The following PITPNM3 variants were observed in gnomAD, a reference collection of about 807,000 sequenced individuals.
The protein encoded by PITPNM3 is PITPNM family member 3, also known as membrane-associated phosphatidylinositol transfer protein 3.
Under a neutral mutation model 102.0 loss-of-function variants are expected in PITPNM3, and 26 were observed. The observed-to-expected ratio is 0.25, with a 90% confidence interval of 0.19 to 0.35. PITPNM3 has a LOEUF of 0.35. Ranked by LOEUF, PITPNM3 falls within the 10% of genes least tolerant of loss-of-function variation. The pLI, the probability that PITPNM3 is intolerant of heterozygous loss-of-function variation, is 1.00. For synonymous variants in PITPNM3, 578 were observed against 558.6 expected (o/e 1.03, Z -0.49); for missense variants, 1,083 against 1,346.1 (o/e 0.80, Z 3.06).
chr17:6,478,504 C>T lies in PITPNM3; in HGVS notation c.777+43G>A, dbSNP rs766134919. 7.5e-6 allele frequency: 12 copies of T among 1,606,828 alleles called. No individual in the cohort carries two copies. Among genetic ancestry groups the T allele is most frequent in the East Asian group, 6.7e-5 (3 of 44,862 alleles). On this transcript the variant is annotated intron_variant, in intron 7 of 19. Transcript: ENST00000262483. The surrounding 1 kb of genome is among the most constrained non-coding windows in gnomAD (Gnocchi z 4.4). ...TCCAGCCTCTCTCCCAGGCCGGGGCCGGAACAGGGGAGGGGAGAGGAGGAG... is the reference window on the plus strand; with the variant it reads ...TCCAGCCTCTCTCCCAGGCCGGGGCTGGAACAGGGGAGGGGAGAGGAGGAG...
At chr17:6,482,378 C>T (rs1397587637) in intron 6 of PITPNM3, among the ~76,000 whole-genome samples, 5 of 152,166 alleles carry the variant, frequency 3.3e-5, no homozygotes, top group African/African-American at 1.2e-4. Context: ...GAGAGCTGAA[C>T]GCGTGGAGGT....
Position 6,452,965 on chromosome 17 carries a change from T to G in PITPNM3, c.*2373A>C, listed in dbSNP as rs901335325. The G allele has an allele frequency of 6.7e-6, 1 of 149,750 alleles. No individual in the cohort carries two copies. Among genetic ancestry groups the G allele is most frequent in the Admixed American group, 6.7e-5 (1 of 14,980 alleles). The allele number at this position is 149,750 out of a possible 1,614,324, so 9.3% of individuals were successfully genotyped here. ...TGAGCTCTCTCTCTCTCTTCCTCTC[T>G]CTCTCTCTCTTCCTCTCTCTCTCTC... On this transcript the variant is annotated 3_prime_UTR_variant, in exon 20 of 20. Transcript: ENST00000262483.
rs1306951849 is a variant in PITPNM3, at chr17:6,454,620, G to A, written c.*718C>T. ...AGAGCCCAAGGCTGCAGCCTCCCAA[G>A]GGAGGGCATGAGGCAGGGCTCCGGG... is the stretch of plus-strand genomic sequence containing the variant. On this transcript the variant is annotated 3_prime_UTR_variant, in exon 20 of 20. Transcript: ENST00000262483. 2.0e-5 allele frequency: 3 copies of A among 152,388 alleles called. No individual in the cohort carries two copies. Among genetic ancestry groups the A allele is most frequent in the African/African-American group, 7.2e-5 (3 of 41,472 alleles). 9.4% of individuals were successfully genotyped at this position (152,388 alleles called of 1,614,324 possible).
Position 6,458,452 on chromosome 17 carries a change from A to T in PITPNM3, c.2491-730T>A, listed in dbSNP as rs539946102. Among the ~76,000 whole-genome samples, 4 of 152,118 alleles carry T rather than the reference A, an allele frequency of 2.6e-5. No homozygotes were observed. The highest frequency in any genetic ancestry group is 9.7e-5 in the African/African-American group (4 of 41,418). On this transcript the variant is annotated intron_variant, in intron 18 of 19. Coordinates refer to ENST00000262483, the MANE Select transcript of PITPNM3 (RefSeq NM_031220.4). The surrounding 1 kb of genome is among the most constrained non-coding windows in gnomAD (Gnocchi z 5.1). ...CCTGCCAAGCCCCACCATCACTGGG[A>T]TGACCCACGGTCTGCATGACGTGAA... is the stretch of plus-strand genomic sequence containing the variant.
chr17:6,516,050 G>A (rs1908154780), intron 3 of PITPNM3, among the ~76,000 whole-genome samples: 1 of 152,096 alleles, frequency 6.6e-6, no homozygotes, highest in Non-Finnish European at 1.5e-5. Context: ...GTGCAGGCCT[G>A]TGGTCCCAAC....
At chr17:6,473,109 C>T (rs1469441347) in intron 10 of PITPNM3, 1 of 482,616 alleles carries the variant, frequency 2.1e-6, no homozygotes, top group Non-Finnish European at 3.8e-6. Context: ...CATCCCTTCT[C>T]CTTGTGGGCC....
intron 3 of PITPNM3, among the ~76,000 whole-genome samples, chr17:6,508,404 C>T (rs569455879): frequency 6.6e-6 from 1 of 152,224 alleles, no homozygotes; most frequent in Non-Finnish European, 1.5e-5. Context: ...ACTTCCCCAA[C>T]GTTGAGATCT....
intron 1 of PITPNM3, among the ~76,000 whole-genome samples, chr17:6,554,957 A>G (rs1910521392): frequency 6.6e-6 from 1 of 152,214 alleles, no homozygotes; most frequent in Non-Finnish European, 1.5e-5. Flanking sequence ...CCTGTGCTCA[A>G]GGCGTCCCAG....
intron 1 of PITPNM3, among the ~76,000 whole-genome samples, chr17:6,554,305 C>T (rs192123175): frequency 6.3e-5 from 8 of 127,588 alleles, no homozygotes; most frequent in African/African-American, 9.2e-5. Context: ...GGAGACAGAC[C>T]GAGACTCCAT....
chr17:6,492,065 CTTT>C (rs554684663), intron 4 of PITPNM3, among the ~76,000 whole-genome samples: 2 of 137,538 alleles, frequency 1.5e-5, no homozygotes, highest in Admixed American at 7.3e-5. Context: ...ATGCAAGGAA[CTTT>C]TTTTTTTTTT....
At chr17:6,514,784 A>G (rs1055600544) in intron 3 of PITPNM3, among the ~76,000 whole-genome samples, 1 of 152,272 alleles carries the variant, frequency 6.6e-6, no homozygotes. Flanking sequence ...ACATATCCAC[A>G]CAAAAACTTG....
intron 4 of PITPNM3, among the ~76,000 whole-genome samples, chr17:6,492,970 C>T (rs1374053147): frequency 2.0e-5 from 3 of 151,644 alleles, no homozygotes; most frequent in Admixed American, 2.0e-4. Context: ...TGGTTATTGC[C>T]CAAACTTGTG....
intron 2 of PITPNM3, among the ~76,000 whole-genome samples, chr17:6,528,256 C>T (rs1908947472): frequency 6.6e-6 from 1 of 152,156 alleles, no homozygotes; most frequent in African/African-American, 2.4e-5. Flanking sequence ...TCTCTTCTCA[C>T]CCCAGCATCT....
chr17:6,484,339 G>A, intron 4 of PITPNM3, 47 bp from the exon 5 acceptor site: 1 of 1,525,868 alleles, frequency 6.6e-7, no homozygotes, highest in Non-Finnish European at 9.1e-7. Context: ...CTTCCCTACA[G>A]TGACCAGACA....
Position 6,457,701 on chromosome 17 carries a change from C to A in PITPNM3, c.2512G>T (p.Ala838Ser). 1 of 1,594,640 alleles carries A rather than the reference C, an allele frequency of 6.3e-7. No homozygotes were observed. Among genetic ancestry groups the A allele is most frequent in the South Asian group, 1.1e-5 (1 of 87,870 alleles). Reference sequence around the variant, plus strand: ...GAGATGTCCTTCGTGGAGCCATAGGCCGCACTGATTTTGATGAAGCACTGA... The same window carrying A: ...GAGATGTCCTTCGTGGAGCCATAGGACGCACTGATTTTGATGAAGCACTGA... ...MQECFIKISA[A>S]YGSTKDISVY... The change falls in exon 19 of 20, where the codon GCC (alanine) becomes TCC (serine). Residue 838 changes from alanine (A) to serine (S), a missense_variant. Ala to Ser is a moderately conservative substitution (Grantham distance 99). Transcript: ENST00000262483. The surrounding 1 kb of genome is among the most constrained non-coding windows in gnomAD (Gnocchi z 4.7).
chr17:6,544,726 G>GCAT (rs1909928073), intron 1 of PITPNM3, among the ~76,000 whole-genome samples: 1 of 149,912 alleles, frequency 6.7e-6, no homozygotes, highest in African/African-American at 2.5e-5. Flanking sequence ...ACAAGCACAA[G>GCAT]CATCAGGGTC....
chr17:6,535,359 C>T (rs892820068), intron 2 of PITPNM3, among the ~76,000 whole-genome samples: 1 of 152,200 alleles, frequency 6.6e-6, no homozygotes, highest in Non-Finnish European at 1.5e-5. Flanking sequence ...GAAAGCATGG[C>T]TTCACCTCTC....
At chr17:6,490,629 T>A (rs562463328) in intron 4 of PITPNM3, among the ~76,000 whole-genome samples, 1 of 151,852 alleles carries the variant, frequency 6.6e-6, no homozygotes, top group Non-Finnish European at 1.5e-5. Flanking sequence ...CTGGGGCAAA[T>A]TAATAAACAA....
chr17:6,541,218 G>T (rs930821336), intron 1 of PITPNM3, among the ~76,000 whole-genome samples: 2 of 151,986 alleles, frequency 1.3e-5, no homozygotes, highest in African/African-American at 4.8e-5. Flanking sequence ...GGTTAGAGGG[G>T]AAGACCTTTG....
Sources: gnomAD v4.1 joint callset for allele counts (sites outside exome capture counted in the v4.1 genomes callset) on GRCh38, gnomAD v4.1.1 for gene constraint, Gnocchi (gnomAD v3.1) non-coding constraint, MANE v1.5 for transcripts, NCBI Gene and HGNC (gene_info 2026-07-23, HGNC 2026-07-21) for gene names.